Variants in GAS2L3 observed in about 807,000 individuals in gnomAD.
The protein encoded by GAS2L3 is growth arrest specific 2 like 3.
A neutral mutation model predicts 37.0 loss-of-function variants in GAS2L3; 28 were observed. The observed-to-expected ratio is 0.76, with a 90% CI of 0.56 to 1.04. The LOEUF is 1.04. GAS2L3 is among the 50% of genes least tolerant of loss of function. The pLI, the probability that GAS2L3 is intolerant of heterozygous loss-of-function variation, is 0.00. For missense variants in GAS2L3, 793 were observed against 817.6 expected (o/e 0.97, Z 0.37); for synonymous variants, 290 against 296.6 (o/e 0.98, Z 0.23).
In GAS2L3 at chr12:100,601,622, T is replaced by C. The variant is rs150806015; in HGVS notation, c.188-16T>C. On this transcript the variant is annotated splice_polypyrimidine_tract_variant and intron_variant, in intron 4 of 9. Coordinates refer to ENST00000547754, the MANE Select transcript of GAS2L3 (RefSeq NM_174942.3). ...TATGTTTCTAGAAGATTCTTAACTTTGAAATATGTTTTTAGGTATTAAAGT... is the reference window on the plus strand; with the variant it reads ...TATGTTTCTAGAAGATTCTTAACTTCGAAATATGTTTTTAGGTATTAAAGT... The C allele has an allele frequency of 4.9e-4, 536 of 1,089,876 alleles. 2 individuals are homozygous for C. In the African/African-American group the frequency reaches 7.4e-3, roughly 15 times the overall value. 67.5% of individuals were successfully genotyped at this position (1,089,876 alleles called of 1,614,324 possible).
chr12:100,603,209 A>G (rs1359083780), intron 5 of GAS2L3, among the ~76,000 whole-genome samples: 1 of 152,102 alleles, frequency 6.6e-6, no homozygotes, highest in South Asian at 2.1e-4. Context: ...TTTTTTGAGG[A>G]ACCTCCAAAC....
intron 1 of GAS2L3, among the ~76,000 whole-genome samples, chr12:100,587,780 C>T (rs968405497): frequency 2.6e-5 from 4 of 152,106 alleles, no homozygotes; most frequent in African/African-American, 4.8e-5. Flanking sequence ...AGGCTGGGCG[C>T]GGTGGCTCAC....
chr12:100,584,620 C>T (rs148529492), intron 1 of GAS2L3, among the ~76,000 whole-genome samples: 2,668 of 151,928 alleles, frequency 0.018, 87 homozygotes, highest in African/African-American at 0.061. Context: ...GTCACTCAGG[C>T]TGGAGTGCAG....
chr12:100,616,618 AAC>A (rs1491105735), intron 6 of GAS2L3, among the ~76,000 whole-genome samples: 20 of 112,342 alleles, frequency 1.8e-4, no homozygotes, highest in African/African-American at 3.5e-4. Context: ...AAAACAAACA[AAC>A]AAAAAAACTG....
chr12:100,612,861 G>A (rs1465191155), intron 6 of GAS2L3, among the ~76,000 whole-genome samples: 1 of 152,112 alleles, frequency 6.6e-6, no homozygotes. Context: ...CACTGACATA[G>A]TTTAGGATTG....
chr12:100,622,504 A>G (rs2136588466), intron 9 of GAS2L3, 122 bp downstream of exon 9: 2 of 550,228 alleles, frequency 3.6e-6, no homozygotes, highest in African/African-American at 3.8e-5. Context: ...CTATTAATGG[A>G]AGGATTTCAC....
At chr12:100,605,754 C>G (rs58002121) in intron 5 of GAS2L3, among the ~76,000 whole-genome samples, 4 of 151,704 alleles carry the variant, frequency 2.6e-5, no homozygotes, top group Non-Finnish European at 2.9e-5. Flanking sequence ...ACCCACTGGT[C>G]GGTCATTCAG....
At chr12:100,593,233 G>A (rs1043742823) in intron 2 of GAS2L3, among the ~76,000 whole-genome samples, 1 of 152,058 alleles carries the variant, frequency 6.6e-6, no homozygotes, top group African/African-American at 2.4e-5. Context: ...ACATGCTCAT[G>A]TATATTATAG....
Position 100,624,756 on chromosome 12 carries a change from A to G in GAS2L3, c.1951A>G (p.Thr651Ala). The G allele has an allele frequency of 6.2e-7, 1 of 1,613,950 alleles. No individual in the cohort carries two copies. Among genetic ancestry groups the G allele is most frequent in the Non-Finnish European group, 8.5e-7 (1 of 1,179,996 alleles). Residue 651 changes from threonine to alanine, a missense_variant, in exon 10 of 10, where the codon ACC becomes GCC. Coordinates refer to ENST00000547754, the MANE Select transcript of GAS2L3 (RefSeq NM_174942.3). ...STKGPPRSGK[T>A]PASIRKPPSS... ...TAAAGGGCCTCCCAGAAGTGGCAAA[A>G]CCCCAGCTTCAATCAGGAAACCACC... is the stretch of plus-strand genomic sequence containing the variant.
chr12:100,585,998 A>G (rs1235658521), intron 1 of GAS2L3, among the ~76,000 whole-genome samples: 7 of 152,100 alleles, frequency 4.6e-5, no homozygotes. Flanking sequence ...TGTTAAACGC[A>G]TCACTGTTTC....
intron 8 of GAS2L3, among the ~76,000 whole-genome samples, chr12:100,620,123 G>T (rs1956235779): frequency 6.6e-6 from 1 of 151,906 alleles, no homozygotes; most frequent in South Asian, 2.1e-4. Flanking sequence ...GTTGAAGAGG[G>T]AAAAAGTGGC....
At chr12:100,584,790 C>G (rs2136395741) in intron 1 of GAS2L3, among the ~76,000 whole-genome samples, 1 of 150,520 alleles carries the variant, frequency 6.6e-6, no homozygotes, top group East Asian at 2.0e-4. Context: ...CCAGGATGGT[C>G]TTGATTTCAA....
At position 100,627,297 on chromosome 12, in the gene GAS2L3, G is replaced by A. The variant is rs555204124; in HGVS notation, c.*2407G>A. Among the ~76,000 whole-genome samples the A allele has an allele frequency of 7.3e-5, 11 of 150,892 alleles. No individual in the cohort carries two copies. The highest frequency in any genetic ancestry group is 3.4e-3 in the Middle Eastern group (1 of 290). On this transcript the variant is annotated 3_prime_UTR_variant, in exon 10 of 10. Transcript: ENST00000547754. ...TTTTGTTTTTTTCCTTTTTTGAGAC[G>A]GAGTTTCACTCTTGTTGCCCAGACT...
chr12:100,622,463 C>A, intron 9 of GAS2L3, 81 bp downstream of exon 9: 1 of 677,616 alleles, frequency 1.5e-6, no homozygotes, highest in African/African-American at 1.8e-5. Flanking sequence ...CTTTTGCTCT[C>A]CTTTTACTTT....
chr12:100,614,147 A>T lies in GAS2L3; in HGVS notation c.445+2006A>T, dbSNP rs1956159455. Among the ~76,000 whole-genome samples, 3 of 152,126 alleles carry T rather than the reference A, an allele frequency of 2.0e-5. No individual in the cohort carries two copies. The South Asian group carries it at 6.2e-4, about 32-fold the overall frequency. ...TTTTATATTTATTTTTATTTTAAAA[A>T]TTGTATTAAAATGCACGTAAAATTT... On this transcript the variant is annotated intron_variant, in intron 6 of 9. Coordinates refer to ENST00000547754, the MANE Select transcript of GAS2L3 (RefSeq NM_174942.3).
chr12:100,627,187 A>G lies in GAS2L3; in HGVS notation c.*2297A>G, dbSNP rs905478847. Among the ~76,000 whole-genome samples the G allele has an allele frequency of 6.6e-6, 1 of 152,166 alleles. No individual in the cohort carries two copies. Among genetic ancestry groups the G allele is most frequent in the African/African-American group, 2.4e-5 (1 of 41,434 alleles). ...TTTTCAGCAGTAGGGAATTTCTCCA[A>G]TTACATTCATGTTGAATGAATTTTT... is the stretch of plus-strand genomic sequence containing the variant. On this transcript the variant is annotated 3_prime_UTR_variant, in exon 10 of 10. Coordinates refer to ENST00000547754, the MANE Select transcript of GAS2L3 (RefSeq NM_174942.3).
intron 5 of GAS2L3, among the ~76,000 whole-genome samples, chr12:100,611,464 C>A (rs1956125967): frequency 6.6e-6 from 1 of 152,140 alleles, no homozygotes; most frequent in Non-Finnish European, 1.5e-5. Context: ...TTGACCAAAT[C>A]ATTTTTCTAG....
rs542176224 is a variant in GAS2L3 at position 100,589,871 on chromosome 12, C to T, written c.-151-1865C>T. On this transcript the variant is annotated intron_variant, in intron 1 of 9. Transcript: ENST00000547754. The stretch of plus-strand genomic sequence containing the variant: ...TGGTGCCGGGATAATTGGCTAGCCA[C>T]GTGTAGGATCCTCATCTCTCACCTT... 7.2e-5 allele frequency among the ~76,000 whole-genome samples: 11 copies of T among 151,888 alleles called. No individual in the cohort carries two copies. In the South Asian group the frequency reaches 8.3e-4, roughly 11 times the overall value.
At chr12:100,623,495 G>C in intron 9 of GAS2L3, 67 bp from the exon 10 acceptor site, 1 of 1,403,450 alleles carries the variant, frequency 7.1e-7, no homozygotes. Flanking sequence ...TATTGTAACT[G>C]CTAATGAATT....
Sources: gnomAD v4.1 joint callset for allele counts (sites outside exome capture counted in the v4.1 genomes callset) on GRCh38, gnomAD v4.1.1 for gene constraint, MANE v1.5 for transcripts, NCBI Gene and HGNC (gene_info 2026-07-23, HGNC 2026-07-21) for gene names.